EPB41L4A: variants seen among roughly 807,000 people sequenced by gnomAD.
EPB41L4A encodes erythrocyte membrane protein band 4.1 like 4A.
A neutral mutation model predicts 108.6 loss-of-function variants in EPB41L4A; 100 were observed. The ratio of observed to expected loss-of-function variants is 0.92; its 90% CI spans 0.78 to 1.09. The LOEUF is 1.09. EPB41L4A is among the 50% of genes least tolerant of loss of function. The pLI is 0.00. For missense variants in EPB41L4A, 1,030 were observed against 842.7 expected (o/e 1.22, Z -2.75); for synonymous variants, 319 against 289.0 (o/e 1.10, Z -1.05).
intron 4 of EPB41L4A, among the ~76,000 whole-genome samples, chr5:112,272,960 C>A (rs1752371519): frequency 6.6e-6 from 1 of 152,114 alleles, no homozygotes; most frequent in South Asian, 2.1e-4. Context: ...TAGGCTGGTA[C>A]AATTTTCCAA....
chr5:112,165,036 T>C lies in EPB41L4A; in HGVS notation c.2015A>G (p.Lys672Arg), dbSNP rs576427101. 2 of 1,614,080 alleles carry C rather than the reference T, an allele frequency of 1.2e-6. No homozygotes were observed. Among genetic ancestry groups the C allele is most frequent in the African/African-American group, 2.7e-5 (2 of 75,038 alleles). The change falls in exon 23 of 23, where the codon AAA becomes AGA. Residue 672 changes from lysine to arginine, a missense_variant. By Grantham distance (26) the Lys-to-Arg change is conservative (BLOSUM62 2). Transcript: ENST00000261486. ...TNNLAGKHTA[K>R]TIKTIQASRL... ...GGAAGCTTGTATAGTTTTTATTGTT[T>C]TTGCTGTGTGTTTTCCAGCCAGGTT...
chr5:112,371,931 T>C (rs76369992), intron 1 of EPB41L4A, among the ~76,000 whole-genome samples: 5,284 of 152,218 alleles, frequency 0.035, 320 homozygotes, highest in African/African-American at 0.12. Flanking sequence ...GGCATGCATC[T>C]GTAGTCCCAG....
In EPB41L4A at chr5:112,234,258, T is replaced by C. The variant is rs545811951; in HGVS notation, c.1087+376A>G. ...AAAATAAAATAACCAGGCATGGTAG[T>C]ATGTGCCTATAGTCTCAGCTACCTG... On this transcript the variant is annotated intron_variant, in intron 12 of 22. Transcript: ENST00000261486. 2.2e-3 allele frequency among the ~76,000 whole-genome samples: 328 copies of C among 151,524 alleles called. 2 individuals are homozygous for C. The highest frequency in any genetic ancestry group is 0.01 in the Middle Eastern group (3 of 292).
At chr5:112,239,058 T>C (rs1315230039) in intron 11 of EPB41L4A, among the ~76,000 whole-genome samples, 2 of 152,174 alleles carry the variant, frequency 1.3e-5, no homozygotes, top group Non-Finnish European at 2.9e-5. Flanking sequence ...CTGGATTACC[T>C]GGAGAAGGGA....
At chr5:112,410,201 G>A (rs1183079313) in intron 1 of EPB41L4A, among the ~76,000 whole-genome samples, 1 of 152,166 alleles carries the variant, frequency 6.6e-6, no homozygotes, top group Non-Finnish European at 1.5e-5. Flanking sequence ...AGACTAGGAA[G>A]CAGCTCCATC....
At chr5:112,241,542 A>G (rs577586960) in intron 9 of EPB41L4A, among the ~76,000 whole-genome samples, 1 of 152,340 alleles carries the variant, frequency 6.6e-6, no homozygotes, top group African/African-American at 2.4e-5. Flanking sequence ...ACTTGAATCA[A>G]AAATATTCAG....
chr5:112,279,383 G>T (rs953326357), intron 3 of EPB41L4A, among the ~76,000 whole-genome samples: 1 of 152,090 alleles, frequency 6.6e-6, no homozygotes, highest in Non-Finnish European at 1.5e-5. Context: ...CTCAGAATGG[G>T]GATAATGAAT....
At chr5:112,399,444 T>C (rs1761593139) in intron 1 of EPB41L4A, among the ~76,000 whole-genome samples, 1 of 152,218 alleles carries the variant, frequency 6.6e-6, no homozygotes, top group South Asian at 2.1e-4. Context: ...GTCAGCCGGC[T>C]TCATGGCTGC....
chr5:112,364,001 A>G (rs1026625412), intron 1 of EPB41L4A, among the ~76,000 whole-genome samples: 3 of 151,308 alleles, frequency 2.0e-5, no homozygotes, highest in East Asian at 2.0e-4. Context: ...TCCTGTGCCA[A>G]TATTTGCTTT....
Position 112,234,746 on chromosome 5 carries a change from T to C in EPB41L4A, c.975A>G (p.Thr325=), listed in dbSNP as rs759315217. 1.2e-6 allele frequency: 2 copies of C among 1,610,304 alleles called. No individual in the cohort carries two copies. Among genetic ancestry groups the C allele is most frequent in the African/African-American group, 2.7e-5 (2 of 74,866 alleles). ...IRYKHRYSGR[T]ALQMSRDLSI... Reference sequence around the variant, plus strand: ...AAAGATCTCGGCTCATTTGCAAAGCTGTCCTGCCACTTGAGAGTGCAACAT... The same window carrying C: ...AAAGATCTCGGCTCATTTGCAAAGCCGTCCTGCCACTTGAGAGTGCAACAT... The change falls in exon 12 of 23, where the codon ACA becomes ACG. Residue 325 remains threonine (T), a synonymous_variant. Coordinates refer to ENST00000261486, the MANE Select transcript of EPB41L4A (RefSeq NM_022140.5).
At chr5:112,203,956 C>T (rs10043186) in intron 15 of EPB41L4A, among the ~76,000 whole-genome samples, 118,791 of 151,764 alleles carry the variant, frequency 0.78, 47,176 homozygotes, top group East Asian at 1. Context: ...GGAGAATCGC[C>T]TGAACCCAGG....
intron 8 of EPB41L4A, 72 bp from the exon 9 acceptor site, chr5:112,259,364 A>G: frequency 7.8e-7 from 1 of 1,275,708 alleles, no homozygotes; most frequent in Non-Finnish European, 1.1e-6. Flanking sequence ...GGAAGTATCC[A>G]GTGGAAAAAG....
chr5:112,356,924 C>T (rs80116411), intron 1 of EPB41L4A, among the ~76,000 whole-genome samples: 7,199 of 152,244 alleles, frequency 0.047, 506 homozygotes, highest in African/African-American at 0.15. Flanking sequence ...ATAAAATAGA[C>T]ACAATATTTC....
At chr5:112,208,028 C>A (rs1762552543) in intron 13 of EPB41L4A, among the ~76,000 whole-genome samples, 1 of 151,988 alleles carries the variant, frequency 6.6e-6, no homozygotes, top group Non-Finnish European at 1.5e-5. Context: ...CAGGCGGATC[C>A]CGAGGTCAAG....
intron 17 of EPB41L4A, among the ~76,000 whole-genome samples, chr5:112,187,646 T>C (rs532343047): frequency 6.6e-6 from 1 of 152,336 alleles, no homozygotes; most frequent in African/African-American, 2.4e-5. Flanking sequence ...CAGTCCTTCC[T>C]CTTTTGCAAA....
chr5:112,170,336 T>G lies in EPB41L4A; in HGVS notation c.1704A>C (p.Glu568Asp). The G allele has an allele frequency of 1.9e-6, 3 of 1,612,972 alleles. No homozygotes were observed. Among genetic ancestry groups the G allele is most frequent in the Non-Finnish European group, 1.7e-6 (2 of 1,179,266 alleles). The change falls in exon 20 of 23, where the codon GAA becomes GAC. Residue 568 changes from glutamate (E) to aspartate (D), a missense_variant. Transcript: ENST00000261486. ...TGTATGGAATCTCTTTTAATTGTTCTTCGGACAATCCGGATGGATCCACAA... is the reference window on the plus strand; with the variant it reads ...TGTATGGAATCTCTTTTAATTGTTCGTCGGACAATCCGGATGGATCCACAA... Reference protein sequence around the residue: ...KELVDPSGLSEEQLKEIPYTK... With the variant: ...KELVDPSGLSDEQLKEIPYTK...
intron 1 of EPB41L4A, among the ~76,000 whole-genome samples, chr5:112,395,137 G>A (rs1254199373): frequency 2.0e-5 from 3 of 152,194 alleles, no homozygotes; most frequent in East Asian, 1.9e-4. Context: ...AAAACCATAC[G>A]AACCCTAGAA....
intron 1 of EPB41L4A, among the ~76,000 whole-genome samples, chr5:112,339,057 C>T (rs770494596): frequency 1.3e-5 from 2 of 151,980 alleles, no homozygotes; most frequent in African/African-American, 2.4e-5. Flanking sequence ...GGGAGAAGAG[C>T]ATATGAATGC....
chr5:112,300,963 T>C (rs6861982), intron 2 of EPB41L4A, among the ~76,000 whole-genome samples: 1,790 of 152,252 alleles, frequency 0.012, 41 homozygotes, highest in African/African-American at 0.04. Flanking sequence ...ACATTTTGCA[T>C]TTCTCTAAGT....
Sources: allele counts gnomAD v4.1 joint callset (sites outside exome capture counted in the v4.1 genomes callset), GRCh38; gene constraint gnomAD v4.1.1; transcripts MANE v1.5; gene names NCBI Gene and HGNC (gene_info 2026-07-23, HGNC 2026-07-21).